The following PTCSC3 variants were observed in gnomAD, a reference collection of about 807,000 sequenced individuals.
PTCSC3 encodes the protein papillary thyroid carcinoma susceptibility candidate 3 (non-protein coding).
rs560074084 is a variant in PTCSC3, at chr14:36,173,944, A to T, written n.171+2354T>A. ...ACTCCATTGTTTCTGATGAGAAGTA[A>T]GTGATCATTCTTGTTTTTGTCCCAT... On this transcript the variant is annotated intron_variant and non_coding_transcript_variant, in intron 1 of 3. Transcript: ENST00000556013. Among the ~76,000 whole-genome samples, 4 of 152,100 alleles carry T rather than the reference A, an allele frequency of 2.6e-5. No individual in the cohort carries two copies. In the South Asian group the frequency reaches 6.2e-4, roughly 24 times the overall value.
At chr14:36,163,044 ATCTGAAGCAAG>A (rs1421194349) in intron 1 of PTCSC3, among the ~76,000 whole-genome samples, 1 of 152,100 alleles carries the variant, frequency 6.6e-6, no homozygotes, top group Non-Finnish European at 1.5e-5. Context: ...CAAGGTTAAA[ATCTGAAGCAAG>A]AGTACTTGTC....
intron 2 of PTCSC3, among the ~76,000 whole-genome samples, chr14:36,160,470 T>A (rs1004986052): frequency 2.0e-5 from 3 of 152,230 alleles, no homozygotes; most frequent in Non-Finnish European, 4.4e-5. Flanking sequence ...GGATTTTATG[T>A]CTCCTTCATT....
intron 2 of PTCSC3, among the ~76,000 whole-genome samples, chr14:36,157,084 T>C (rs1454176793): frequency 1.3e-5 from 2 of 152,234 alleles, no homozygotes; most frequent in African/African-American, 2.4e-5. Flanking sequence ...TGTTGTTTCC[T>C]GACTTTTTCA....
At chr14:36,170,723 C>G (rs1360821626) in intron 1 of PTCSC3, among the ~76,000 whole-genome samples, 1 of 152,032 alleles carries the variant, frequency 6.6e-6, no homozygotes, top group Non-Finnish European at 1.5e-5. Context: ...ACCAAGTTGC[C>G]CTTTCCCAGG....
At chr14:36,172,209 A>G (rs1882205500) in intron 1 of PTCSC3, among the ~76,000 whole-genome samples, 1 of 152,192 alleles carries the variant, frequency 6.6e-6, no homozygotes, top group African/African-American at 2.4e-5. Context: ...TAAATATATT[A>G]AAAACTATAG....
intron 2 of PTCSC3, among the ~76,000 whole-genome samples, chr14:36,161,802 G>C (rs1881961537): frequency 6.6e-6 from 1 of 152,214 alleles, no homozygotes; most frequent in African/African-American, 2.4e-5. Flanking sequence ...GCACATTTAA[G>C]TCTGCTGAAG....
chr14:36,162,279 A>C (rs1007398231), intron 2 of PTCSC3, among the ~76,000 whole-genome samples: 2 of 112,398 alleles, frequency 1.8e-5, no homozygotes, highest in East Asian at 2.6e-4. Flanking sequence ...AAAAAAAAAA[A>C]AAAAAACTCC....
chr14:36,165,809 G>A (rs1428452568), intron 1 of PTCSC3, among the ~76,000 whole-genome samples: 1 of 149,664 alleles, frequency 6.7e-6, no homozygotes, highest in Non-Finnish European at 1.5e-5. Context: ...TAGGGCAGTA[G>A]AAGAAGCCGT....
intron 3 of PTCSC3, among the ~76,000 whole-genome samples, chr14:36,143,191 T>G (rs1470148011): frequency 1.3e-5 from 2 of 148,610 alleles, no homozygotes; most frequent in Non-Finnish European, 3.0e-5. Flanking sequence ...GATGGCTGGG[T>G]CAAATGGTAT....
In PTCSC3 at chr14:36,159,284, G is replaced by A. The variant is rs538104091; in HGVS notation, n.231+3340C>T. 3.6e-4 allele frequency among the ~76,000 whole-genome samples: 54 copies of A among 150,172 alleles called. No homozygotes were observed. The Middle Eastern group carries it at 0.01, about 29-fold the overall frequency. On this transcript the variant is annotated intron_variant and non_coding_transcript_variant, in intron 2 of 3. Transcript: ENST00000556013. ...TGATCTTAGTTATTTCTTGTCTTCT[G>A]CTAGCTTTTGAATTTGTTTGCTTTT...
chr14:36,171,760 G>A (rs1014908644), intron 1 of PTCSC3, among the ~76,000 whole-genome samples: 1 of 152,160 alleles, frequency 6.6e-6, no homozygotes, highest in African/African-American at 2.4e-5. Flanking sequence ...TTTAAGAAAC[G>A]TTTTGCCACA....
In PTCSC3 at chr14:36,140,478, C is replaced by T. The variant is rs546196920; in HGVS notation, n.323-4122G>A. ...TTCCATCCATAATAGATGCGAGGTC[C>T]TGTTGGTCCACATTCTTGCCAGCCT... On this transcript the variant is annotated intron_variant and non_coding_transcript_variant, in intron 3 of 3. Coordinates refer to ENST00000556013, the Ensembl canonical transcript of PTCSC3. Among the ~76,000 whole-genome samples, 60 of 152,306 alleles carry T rather than the reference C, an allele frequency of 3.9e-4. No individual in the cohort carries two copies. The South Asian group carries it at 0.011, about 28-fold the overall frequency.
At chr14:36,147,799 A>G (rs1881616707) in intron 3 of PTCSC3, among the ~76,000 whole-genome samples, 1 of 151,372 alleles carries the variant, frequency 6.6e-6, no homozygotes, top group African/African-American at 2.4e-5. Flanking sequence ...GGTTTTATCT[A>G]CTTTTGGTCT....
chr14:36,168,544 C>A (rs1256179896), intron 1 of PTCSC3, among the ~76,000 whole-genome samples: 1 of 151,570 alleles, frequency 6.6e-6, no homozygotes, highest in African/African-American at 2.4e-5. Flanking sequence ...GAGTACTGTC[C>A]ACTGGAGTGA....
At chr14:36,145,875 T>C (rs1213509554) in intron 3 of PTCSC3, among the ~76,000 whole-genome samples, 2 of 149,806 alleles carry the variant, frequency 1.3e-5, no homozygotes, top group African/African-American at 2.4e-5. Context: ...TTGTTCTCGT[T>C]GGTTTCAAAG....
At chr14:36,152,228 A>C (rs894892756) in intron 3 of PTCSC3, among the ~76,000 whole-genome samples, 1 of 152,324 alleles carries the variant, frequency 6.6e-6, no homozygotes, top group African/African-American at 2.4e-5. Flanking sequence ...AAGGTAAAAA[A>C]ATGCTAAAGA....
chr14:36,135,875 A>G (rs72672397), downstream of PTCSC3, among the ~76,000 whole-genome samples: 787 of 84,346 alleles, frequency 9.3e-3, 6 homozygotes, highest in East Asian at 0.023. Context: ...ATATATATAT[A>G]TGTGTGTGTG....
intron 3 of PTCSC3, among the ~76,000 whole-genome samples, chr14:36,148,400 T>A (rs535517775): frequency 2.0e-5 from 3 of 152,268 alleles, no homozygotes; most frequent in South Asian, 4.1e-4. Context: ...AAAAGCGCAG[T>A]ATTCGGGTGG....
intron 1 of PTCSC3, among the ~76,000 whole-genome samples, chr14:36,167,587 G>A (rs1882114107): frequency 2.0e-5 from 3 of 152,114 alleles, no homozygotes; most frequent in Admixed American, 6.6e-5. Flanking sequence ...ATCCAAAGCT[G>A]CCTTCTTCCT....
Sources: gnomAD v4.1 joint callset for allele counts (sites outside exome capture counted in the v4.1 genomes callset) on GRCh38, gnomAD v4.1.1 for gene constraint, MANE v1.5 for transcripts, NCBI Gene and HGNC (gene_info 2026-07-23, HGNC 2026-07-21) for gene names.